LRP1B: variants seen among roughly 807,000 people sequenced by gnomAD.
LRP1B encodes LDL receptor related protein 1B.
A neutral mutation model predicts 556.6 loss-of-function variants in LRP1B; 217 were observed. That is an observed-to-expected ratio of 0.39 (90% confidence interval 0.35 to 0.44). The LOEUF (loss-of-function observed/expected upper bound fraction) is 0.44. Among genes scored for constraint, LRP1B ranks in the 20% least tolerant of loss-of-function variants. LRP1B has a pLI of 1.00. For missense variants in LRP1B, 5,053 were observed against 5,620.8 expected, an observed-to-expected ratio of 0.90 and a Z score of 3.23; for synonymous variants, 2,047 against 1,865.8, an observed-to-expected ratio of 1.10 and a Z score of -2.50.
rs767886690 is a variant in LRP1B, at chr2:140,840,030, T to A, written c.5170A>T (p.Asn1724Tyr). ...TINMANMDGS[N>Y]SKILFQNQKE... ...TGATTCTGAAACAGAATCTTGCTAT[T>A]ACTGCCATCCATATTTGCCATGTTA... is the stretch of plus-strand genomic sequence containing the variant. The change falls in exon 31 of 91, where the codon AAT (asparagine) becomes TAT (tyrosine). Residue 1724 changes from asparagine (N) to tyrosine (Y), a missense_variant. By Grantham distance (143) the Asn-to-Tyr change is moderately radical. Around this residue, in one of 5 missense-constraint regions of LRP1B, gnomAD observed 3,619 missense variants for 3,931.9 expected, o/e 0.92. Transcript: ENST00000389484. 1.1e-5 allele frequency: 18 copies of A among 1,611,082 alleles called. No individual in the cohort carries two copies. The Admixed American group carries it at 2.7e-4, about 24-fold the overall frequency.
intron 1 of LRP1B, among the ~76,000 whole-genome samples, chr2:141,912,422 G>T (rs767183056): frequency 2.0e-5 from 3 of 151,968 alleles, no homozygotes; most frequent in Non-Finnish European, 4.4e-5. Context: ...CAACACTATC[G>T]CAGCAAAAGG....
At chr2:141,645,321 C>T (rs745778319) in intron 2 of LRP1B, among the ~76,000 whole-genome samples, 2 of 152,214 alleles carry the variant, frequency 1.3e-5, no homozygotes, top group African/African-American at 2.4e-5. Flanking sequence ...TTGGACTCCA[C>T]ACCATGCCTC....
At chr2:141,304,983 G>A (rs79202611) in intron 3 of LRP1B, among the ~76,000 whole-genome samples, 10 of 151,964 alleles carry the variant, frequency 6.6e-5, no homozygotes, top group African/African-American at 1.4e-4. Flanking sequence ...CCAATATTAC[G>A]CTATGTTAAT....
At position 140,541,824 on chromosome 2, in the gene LRP1B, G is replaced by A. The variant is rs1437576424; in HGVS notation, c.7342C>T (p.His2448Tyr). 1 of 1,612,578 alleles carries A rather than the reference G, an allele frequency of 6.2e-7. No individual in the cohort carries two copies. Among genetic ancestry groups the A allele is most frequent in the South Asian group, 1.1e-5 (1 of 90,954 alleles). ...DTKILRSDIP[H>Y]QPMGIIAVAN... ...ACAGCTATGATTCCCATTGGCTGATGTGGAATATCGGAACGAAGAATTTTT... is the reference window on the plus strand; with the variant it reads ...ACAGCTATGATTCCCATTGGCTGATATGGAATATCGGAACGAAGAATTTTT... Residue 2448 changes from histidine (H) to tyrosine (Y), a missense_variant, in exon 44 of 91, where the codon CAT (histidine) becomes TAT (tyrosine). By Grantham distance (83) the His-to-Tyr change is moderately conservative. This residue lies in a region of LRP1B where 3,619 missense variants were observed against 3,931.9 expected (regional missense o/e 0.92). Transcript: ENST00000389484.
chr2:140,294,050 T>G (rs1054241280), intron 84 of LRP1B, among the ~76,000 whole-genome samples: 2 of 152,184 alleles, frequency 1.3e-5, no homozygotes, highest in African/African-American at 4.8e-5. Context: ...AAACATAAGC[T>G]AACTGAATTT....
chr2:140,843,277 A>G (rs1340085183), intron 29 of LRP1B, among the ~76,000 whole-genome samples: 1 of 152,000 alleles, frequency 6.6e-6, no homozygotes, highest in Non-Finnish European at 1.5e-5. Flanking sequence ...TCAATTCTAT[A>G]GTTCATGCTC....
chr2:140,965,804 G>GGT (rs1553438378), intron 18 of LRP1B, among the ~76,000 whole-genome samples: 2 of 144,982 alleles, frequency 1.4e-5, no homozygotes, highest in Admixed American at 1.4e-4. Context: ...AACATGCAGT[G>GGT]TTTTTTTTTT....
At position 141,568,712 on chromosome 2, in the gene LRP1B, T is replaced by C. The variant is rs564260204; in HGVS notation, c.206-88179A>G. 2.0e-5 allele frequency among the ~76,000 whole-genome samples: 3 copies of C among 151,408 alleles called. No homozygotes were observed. In the South Asian group the frequency reaches 6.3e-4, roughly 32 times the overall value. ...ATAAAGTAATTTTTCTATATGTTAA[T>C]TTGTTCATTTAGTCAGTCATCAAAC... On this transcript the variant is annotated intron_variant, in intron 2 of 90. Coordinates refer to ENST00000389484, the MANE Select transcript of LRP1B (RefSeq NM_018557.3).
intron 43 of LRP1B, among the ~76,000 whole-genome samples, chr2:140,588,944 C>T (rs1682104957): frequency 7.4e-6 from 1 of 135,116 alleles, no homozygotes; most frequent in African/African-American, 2.8e-5. Context: ...GCCTGGGCAA[C>T]AGAACGAGAC....
chr2:140,648,272 C>A (rs1236945883), intron 41 of LRP1B, among the ~76,000 whole-genome samples: 1 of 151,692 alleles, frequency 6.6e-6, no homozygotes, highest in Non-Finnish European at 1.5e-5. Context: ...GGGAACGTCA[C>A]ACACCGGGGC....
chr2:141,337,101 C>CT (rs1687873480), intron 3 of LRP1B, among the ~76,000 whole-genome samples: 1 of 151,954 alleles, frequency 6.6e-6, no homozygotes, highest in South Asian at 2.1e-4. Context: ...ATTTAAATGT[C>CT]TAAAAAAAAC....
At chr2:140,550,912 T>C (rs922083817) in intron 43 of LRP1B, among the ~76,000 whole-genome samples, 1 of 152,106 alleles carries the variant, frequency 6.6e-6, no homozygotes, top group Non-Finnish European at 1.5e-5. Context: ...TAATTAGGCT[T>C]AGACAAAGTC....
chr2:141,161,570 G>A (rs1005940797), intron 7 of LRP1B, among the ~76,000 whole-genome samples: 7 of 152,096 alleles, frequency 4.6e-5, no homozygotes, highest in Admixed American at 3.9e-4. Context: ...CCACACCTTT[G>A]TAAAGCAAAG....
intron 43 of LRP1B, among the ~76,000 whole-genome samples, chr2:140,561,735 T>A (rs1004671860): frequency 1.3e-5 from 2 of 152,204 alleles, no homozygotes; most frequent in Admixed American, 1.3e-4. Flanking sequence ...TTGGAAATAC[T>A]TTCCAATTCA....
chr2:140,889,657 G>A (rs1245165331), intron 23 of LRP1B, among the ~76,000 whole-genome samples: 1 of 152,092 alleles, frequency 6.6e-6, no homozygotes, highest in Non-Finnish European at 1.5e-5. Flanking sequence ...TGAGGTGGGT[G>A]ATGTTGTTAC....
At chr2:140,668,371 T>C (rs1236446568) in intron 41 of LRP1B, among the ~76,000 whole-genome samples, 1 of 137,524 alleles carries the variant, frequency 7.3e-6, no homozygotes, top group African/African-American at 2.8e-5. Flanking sequence ...CAAATATACA[T>C]ATATATTTAT....
intron 7 of LRP1B, among the ~76,000 whole-genome samples, chr2:141,153,086 T>C (rs1030570795): frequency 5.4e-5 from 8 of 148,946 alleles, no homozygotes; most frequent in African/African-American, 2.0e-4. Context: ...CTGACTACAA[T>C]TTAAATGGTG....
intron 35 of LRP1B, among the ~76,000 whole-genome samples, chr2:140,738,919 C>A (rs1688041344): frequency 6.6e-6 from 1 of 152,110 alleles, no homozygotes; most frequent in Admixed American, 6.6e-5. Context: ...TTTGTAATAG[C>A]ACCAGCACCT....
chr2:140,355,898 T>C (rs541745343), intron 75 of LRP1B, among the ~76,000 whole-genome samples: 3 of 152,076 alleles, frequency 2.0e-5, no homozygotes, highest in Admixed American at 2.0e-4. Flanking sequence ...AGATACATTA[T>C]GATCTATTTA....
Sources: gnomAD v4.1 joint callset for allele counts (sites outside exome capture counted in the v4.1 genomes callset) on GRCh38, gnomAD v4.1.1 for gene constraint, gnomAD v4.1.1 regional missense constraint, MANE v1.5 for transcripts, NCBI Gene and HGNC (gene_info 2026-07-23, HGNC 2026-07-21) for gene names.